Variants in NCAM2 observed in about 807,000 individuals in gnomAD.
The protein encoded by NCAM2 is N-CAM-2.
In NCAM2, 30 loss-of-function variants were observed where a neutral mutation model predicts 98.1. That is an observed-to-expected ratio of 0.31 (90% CI 0.23 to 0.41). The LOEUF (loss-of-function observed/expected upper bound fraction) is 0.41, where lower values mean the gene tolerates loss of function less well. Ranked by LOEUF, NCAM2 falls within the 10% of genes least tolerant of loss-of-function variation. The probability of loss-of-function intolerance (pLI) is 1.00; values close to 1 mark genes in which losing one functional copy is unlikely to be tolerated. For missense variants in NCAM2, 867 were observed against 1,005.8 expected, an observed-to-expected ratio of 0.86 and a Z score of 1.87; for synonymous variants, 368 against 342.4, an observed-to-expected ratio of 1.07 and a Z score of -0.83.
At chr21:21,318,883 T>TA (rs1183829767) in intron 5 of NCAM2, among the ~76,000 whole-genome samples, 1 of 152,330 alleles carries the variant, frequency 6.6e-6, no homozygotes, top group African/African-American at 2.4e-5. Flanking sequence ...CTCTTACATG[T>TA]AATGTCAGCT....
At chr21:21,036,861 A>G (rs561778473) in intron 1 of NCAM2, among the ~76,000 whole-genome samples, 28 of 152,210 alleles carry the variant, frequency 1.8e-4, no homozygotes, top group Non-Finnish European at 3.5e-4. Flanking sequence ...TCCTAGTTCC[A>G]GAGAAGAGAA....
Position 21,477,414 on chromosome 21 carries a change from T to A in NCAM2, c.2020T>A (p.Tyr674Asn), listed in dbSNP as rs1319758926. ...VQITAANRLG[Y>N]SEPTVYEFSM... ...GATTACAGCTGCCAATAGATTGGGA[T>A]ATTCTGAACCGACAGTTTATGAATT... Residue 674 changes from tyrosine (Y) to asparagine (N), a missense_variant, in exon 15 of 18, where the codon TAT (tyrosine) becomes AAT (asparagine). By Grantham distance (143) the Tyr-to-Asn change is moderately radical (BLOSUM62 -2). Transcript: ENST00000400546. 1 of 1,610,152 alleles carries A rather than the reference T, an allele frequency of 6.2e-7. No individual in the cohort carries two copies. Among genetic ancestry groups the A allele is most frequent in the Admixed American group, 1.7e-5 (1 of 59,910 alleles).
rs1321550490 is a variant in NCAM2 at position 21,539,228 on chromosome 21, A to C, written c.*1271A>C. ...ACTTCCAAGCTATGCAAGCTCCCAG[A>C]GGTAATAGAGTGACACATGATTTAA... On this transcript the variant is annotated 3_prime_UTR_variant, in exon 18 of 18. Coordinates refer to ENST00000400546, the MANE Select transcript of NCAM2 (RefSeq NM_004540.5). 1 of 152,174 alleles carries C rather than the reference A, an allele frequency of 6.6e-6. No homozygotes were observed. Among genetic ancestry groups the C allele is most frequent in the Non-Finnish European group, 1.5e-5 (1 of 68,028 alleles). The allele number at this position is 152,174 out of a possible 1,614,324, so 9.4% of individuals were successfully genotyped here. A position where few individuals can be genotyped will look rare whatever the true frequency, so the allele number is the denominator to read the frequency against.
intron 1 of NCAM2, among the ~76,000 whole-genome samples, chr21:21,006,735 G>A (rs1776305821): frequency 6.6e-6 from 1 of 152,084 alleles, no homozygotes; most frequent in Non-Finnish European, 1.5e-5. Flanking sequence ...TAGGCATCTC[G>A]TGAAGTTGAA....
chr21:21,010,513 A>C (rs536697418), intron 1 of NCAM2, among the ~76,000 whole-genome samples: 7 of 152,222 alleles, frequency 4.6e-5, no homozygotes, highest in African/African-American at 1.4e-4. Context: ...GAAACATTTT[A>C]TGAAAAATAG....
intron 16 of NCAM2, among the ~76,000 whole-genome samples, chr21:21,531,874 T>A (rs1209310502): frequency 6.7e-6 from 1 of 148,852 alleles, no homozygotes. Context: ...GCGCCTGTAG[T>A]CCCAGCTACT....
chr21:21,294,425 T>A (rs1406955518), intron 5 of NCAM2, among the ~76,000 whole-genome samples: 1 of 151,912 alleles, frequency 6.6e-6, no homozygotes, highest in African/African-American at 2.4e-5. Context: ...AAATAATTCC[T>A]GTTTTGTCTG....
chr21:21,332,138 T>C (rs1293983362), intron 6 of NCAM2, among the ~76,000 whole-genome samples: 2 of 151,794 alleles, frequency 1.3e-5, no homozygotes, highest in African/African-American at 4.8e-5. Context: ...CTCCTGACCT[T>C]GTGATCTGCC....
intron 1 of NCAM2, among the ~76,000 whole-genome samples, chr21:21,003,832 T>C (rs1409306958): frequency 1.3e-5 from 2 of 152,142 alleles, no homozygotes; most frequent in East Asian, 3.9e-4. Context: ...ACAGCATTAC[T>C]AGGAATGGTT....
At chr21:21,407,951 C>A (rs1360955818) in intron 9 of NCAM2, among the ~76,000 whole-genome samples, 1 of 152,262 alleles carries the variant, frequency 6.6e-6, no homozygotes, top group East Asian at 1.9e-4. Flanking sequence ...ATGTCCCTGG[C>A]TTTTTCAATT....
At chr21:21,432,340 A>G in intron 12 of NCAM2, 59 bp downstream of exon 12, 11 of 1,498,948 alleles carry the variant, frequency 7.3e-6, no homozygotes, top group Non-Finnish European at 1.0e-5. Context: ...GTATACCTGT[A>G]TGATTGGCTT....
At chr21:21,182,817 A>G (rs1601588076) in intron 1 of NCAM2, among the ~76,000 whole-genome samples, 1 of 152,142 alleles carries the variant, frequency 6.6e-6, no homozygotes, top group Non-Finnish European at 1.5e-5. Flanking sequence ...CATGTTGGGC[A>G]GCATTGTTCC....
At chr21:21,424,512 T>C (rs747948266) in intron 11 of NCAM2, among the ~76,000 whole-genome samples, 7 of 152,106 alleles carry the variant, frequency 4.6e-5, no homozygotes, top group Admixed American at 1.3e-4. Context: ...AACTTTTGAA[T>C]TGAGTCTGAA....
chr21:21,340,100 T>C (rs895622843), intron 8 of NCAM2, among the ~76,000 whole-genome samples: 4 of 151,826 alleles, frequency 2.6e-5, no homozygotes, highest in South Asian at 2.1e-4. Context: ...AAAAATACAA[T>C]CGTATCTGAA....
chr21:21,522,844 C>T (rs190744954), intron 16 of NCAM2, among the ~76,000 whole-genome samples: 1 of 151,778 alleles, frequency 6.6e-6, no homozygotes, highest in East Asian at 1.9e-4. Flanking sequence ...GCTGGCCAGG[C>T]GTGTCTGAAA....
chr21:21,034,781 A>T (rs1249996270), intron 1 of NCAM2, among the ~76,000 whole-genome samples: 2 of 152,202 alleles, frequency 1.3e-5, no homozygotes, highest in African/African-American at 4.8e-5. Context: ...TCATCTACAA[A>T]ACATATTTAT....
chr21:21,290,981 A>G (rs941140276), intron 4 of NCAM2, among the ~76,000 whole-genome samples: 1 of 116,242 alleles, frequency 8.6e-6, no homozygotes, highest in Non-Finnish European at 1.8e-5. Flanking sequence ...TGTGGCTTCA[A>G]GTGGTTTTCC....
At chr21:21,060,363 G>A (rs1473633973) in intron 1 of NCAM2, among the ~76,000 whole-genome samples, 1 of 151,866 alleles carries the variant, frequency 6.6e-6, no homozygotes, top group African/African-American at 2.4e-5. Flanking sequence ...TCTGTGTATG[G>A]GTTCTGTGTA....
intron 1 of NCAM2, among the ~76,000 whole-genome samples, chr21:21,030,731 A>G (rs1568945462): frequency 6.6e-6 from 1 of 152,092 alleles, no homozygotes; most frequent in Non-Finnish European, 1.5e-5. Context: ...ATGTATTACT[A>G]CTCTCATCTG....
Sources: gnomAD v4.1 joint callset for allele counts (sites outside exome capture counted in the v4.1 genomes callset) on GRCh38, gnomAD v4.1.1 for gene constraint, MANE v1.5 for transcripts, NCBI Gene and HGNC (gene_info 2026-07-23, HGNC 2026-07-21) for gene names.